Variants in KIR3DL2 observed in about 807,000 individuals in gnomAD.
KIR3DL2 encodes killer cell immunoglobulin like receptor, three Ig domains and long cytoplasmic tail 2, also known as killer cell immunoglobulin-like receptor 3DL2.
A neutral mutation model predicts 41.6 loss-of-function variants in KIR3DL2; 42 were observed. The ratio of observed to expected loss-of-function variants is 1.01; its 90% CI spans 0.79 to 1.31. The LOEUF is 1.31. Among genes scored for constraint, KIR3DL2 ranks in the 50% most tolerant of loss-of-function variants. The probability of loss-of-function intolerance (pLI) is 0.00; values close to 1 mark genes in which losing one functional copy is unlikely to be tolerated. For synonymous variants in KIR3DL2, 230 were observed against 221.3 expected, an observed-to-expected ratio of 1.04 and a Z score of -0.35; for missense variants, 728 against 576.8, an observed-to-expected ratio of 1.26 and a Z score of -2.68.
At chr19:54,851,952 T>G (rs71367114) in intron 2 of KIR3DL2, 46 bp from the exon 3 acceptor site, 4 of 1,584,832 alleles carry the variant, frequency 2.5e-6, no homozygotes, top group Non-Finnish European at 3.4e-6. Context: ...GAGGGAGGGG[T>G]GGCTCCACAT....
chr19:54,856,723 T>C (rs624783), intron 5 of KIR3DL2, among the ~76,000 whole-genome samples: 86,255 of 147,102 alleles, frequency 0.59, 25,595 homozygotes, highest in East Asian at 0.92. Flanking sequence ...TTTTGTTACC[T>C]TCCACCCTTC....
rs1409094941 is a variant in KIR3DL2, at chr19:54,866,686, C to G, written c.1323C>G (p.Val441=). 6.2e-7 allele frequency: 1 copy of G among 1,614,006 alleles called. No homozygotes were observed. The highest frequency in any genetic ancestry group is 1.1e-5 in the South Asian group (1 of 91,080). Reference sequence around the variant, plus strand: ...ATGCTGAGCCCAGATCCAAAGTTGTCTCCTGCCCACGAGCACCACAGTCAG... The same window carrying G: ...ATGCTGAGCCCAGATCCAAAGTTGTGTCCTGCCCACGAGCACCACAGTCAG... ...LPNAEPRSKV[V]SCPRAPQSGL... The change falls in exon 9 of 9, where the codon GTC becomes GTG. Residue 441 remains valine (V), a synonymous_variant. Transcript: ENST00000326321.
At chr19:54,854,687 A>G (rs2064593295) in intron 4 of KIR3DL2, among the ~76,000 whole-genome samples, 2 of 151,854 alleles carry the variant, frequency 1.3e-5, no homozygotes, top group African/African-American at 4.9e-5. Context: ...TCAAAAAGCA[A>G]AGGCATAAAC....
rs2064697223 is a variant in KIR3DL2, at chr19:54,855,700, C to T, written c.737C>T (p.Ser246Phe). 2.5e-6 allele frequency: 4 copies of T among 1,613,458 alleles called. No homozygotes were observed. The highest frequency in any genetic ancestry group is 3.4e-6 in the Non-Finnish European group (4 of 1,179,976). ...GAGAACGTGACCTTGTCCTGTAGCT[C>T]CTGGAGCTCCTATGACATCTACCAT... ...AGENVTLSCS[S>F]WSSYDIYHLS... Residue 246 changes from serine to phenylalanine, a missense_variant, in exon 5 of 9, where the codon TCC (serine) becomes TTC (phenylalanine). By Grantham distance (155) the Ser-to-Phe change is radical (BLOSUM62 -2). Transcript: ENST00000326321.
At chr19:54,864,214 A>G (rs963288866) in intron 6 of KIR3DL2, among the ~76,000 whole-genome samples, 7 of 152,096 alleles carry the variant, frequency 4.6e-5, no homozygotes, top group East Asian at 1.9e-4. Flanking sequence ...CCATTGATCT[A>G]TATCTCTGTT....
intron 3 of KIR3DL2, among the ~76,000 whole-genome samples, chr19:54,852,608 C>G (rs1360037086): frequency 1.3e-5 from 2 of 151,446 alleles, no homozygotes; most frequent in Non-Finnish European, 2.9e-5. Flanking sequence ...CACAAGGGTC[C>G]GCGTGAGAGG....
intron 6 of KIR3DL2, among the ~76,000 whole-genome samples, chr19:54,859,757 C>T (rs201736089): frequency 2.1e-4 from 31 of 147,666 alleles, no homozygotes; most frequent in Non-Finnish European, 4.2e-4. Context: ...CAAAGCATGA[C>T]GTGCATGTCA....
rs1157321105 is a variant in KIR3DL2 at position 54,852,943 on chromosome 19, G to T, written c.355+661G>T. ...ACACAGGAACCCAGGTCAAGGACAAGCTAGGAAACCAAACAAGGATAGCCA... is the reference window on the plus strand; with the variant it reads ...ACACAGGAACCCAGGTCAAGGACAATCTAGGAAACCAAACAAGGATAGCCA... On this transcript the variant is annotated intron_variant, in intron 3 of 8. Transcript: ENST00000326321. Among the ~76,000 whole-genome samples, 17 of 150,594 alleles carry T rather than the reference G, an allele frequency of 1.1e-4. 1 individual carries two copies. Among genetic ancestry groups the T allele is most frequent in the African/African-American group, 4.2e-4 (17 of 40,624 alleles).
At chr19:54,866,495 C>A (rs1211347904) in intron 8 of KIR3DL2, 27 bp from the exon 9 acceptor site, 11 of 1,613,904 alleles carry the variant, frequency 6.8e-6, no homozygotes, top group Non-Finnish European at 8.5e-7. Flanking sequence ...GAGCACCCTC[C>A]CTCACTCAGC....
At chr19:54,866,017 G>C (rs201761696) in intron 7 of KIR3DL2, 108 bp downstream of exon 7, 9,249 of 938,384 alleles carry the variant, frequency 9.9e-3, no homozygotes, top group Middle Eastern at 0.026. Context: ...TGGCCCAAGG[G>C]AGGAGCCACA....
chr19:54,861,526 G>T (rs2065182182), intron 6 of KIR3DL2, among the ~76,000 whole-genome samples: 1 of 150,192 alleles, frequency 6.7e-6, no homozygotes, highest in Non-Finnish European at 1.5e-5. Flanking sequence ...GTGCATGACT[G>T]TAATCCCAGC....
chr19:54,861,688 C>T (rs2065192632), intron 6 of KIR3DL2, among the ~76,000 whole-genome samples: 1 of 151,056 alleles, frequency 6.6e-6, no homozygotes, highest in Non-Finnish European at 1.5e-5. Flanking sequence ...TAATAATATA[C>T]ACAAATGATG....
chr19:54,864,715 G>A (rs1245207896), intron 6 of KIR3DL2, among the ~76,000 whole-genome samples: 1 of 152,062 alleles, frequency 6.6e-6, no homozygotes, highest in Non-Finnish European at 1.5e-5. Context: ...TCTGTATCCT[G>A]AGACTTTGTA....
rs555570437 is a variant in KIR3DL2 at position 54,852,137 on chromosome 19, C to A, written c.210C>A (p.Ile70=). 11 of 1,613,080 alleles carry A rather than the reference C, an allele frequency of 6.8e-6. No homozygotes were observed. In the African/African-American group the frequency reaches 1.3e-4, roughly 20 times the overall value. The part of the protein sequence containing the change: ...LYKEDRSHVP[I]FHGRIFQESF... ...AAGAAGACAGAAGCCACGTTCCCAT[C>A]TTCCACGGCAGAATATTCCAGGAGA... Residue 70 remains isoleucine, a synonymous_variant, in exon 3 of 9, where the codon ATC becomes ATA. Coordinates refer to ENST00000326321, the MANE Select transcript of KIR3DL2 (RefSeq NM_006737.4).
chr19:54,857,081 G>A (rs1320664952), intron 5 of KIR3DL2, among the ~76,000 whole-genome samples: 7 of 141,828 alleles, frequency 4.9e-5, no homozygotes, highest in Non-Finnish European at 9.2e-5. Context: ...CACTATGAAA[G>A]TTCTCTTTTT....
At chr19:54,864,571 A>G (rs1035620077) in intron 6 of KIR3DL2, among the ~76,000 whole-genome samples, 33 of 151,990 alleles carry the variant, frequency 2.2e-4, no homozygotes, top group Admixed American at 2.1e-3. Context: ...GAGGTCCTTC[A>G]TATCCCTTGT....
At chr19:54,860,772 G>A (rs1161130434) in intron 6 of KIR3DL2, among the ~76,000 whole-genome samples, 3 of 136,394 alleles carry the variant, frequency 2.2e-5, no homozygotes, top group South Asian at 2.5e-4. Context: ...TGAAAAACAC[G>A]GATTGAACCC....
intron 1 of KIR3DL2, 145 bp downstream of exon 1, chr19:54,850,654 A>G (rs1282484999): frequency 8.9e-7 from 1 of 1,128,196 alleles, no homozygotes. Flanking sequence ...AGGTGTAAAT[A>G]TGGGCCTGGA....
intron 3 of KIR3DL2, among the ~76,000 whole-genome samples, chr19:54,852,724 G>C (rs1451324910): frequency 6.6e-6 from 1 of 150,852 alleles, no homozygotes; most frequent in Non-Finnish European, 1.5e-5. Flanking sequence ...CAGAATGCAG[G>C]TGGCCTCTAA....
Sources: allele counts gnomAD v4.1 joint callset (sites outside exome capture counted in the v4.1 genomes callset), GRCh38; gene constraint gnomAD v4.1.1; transcripts MANE v1.5; gene names NCBI Gene and HGNC (gene_info 2026-07-23, HGNC 2026-07-21).